The following SGCD variants were observed in gnomAD, a reference collection of about 807,000 sequenced individuals.
SGCD encodes delta-sarcoglycan.
In SGCD, 18 loss-of-function variants were observed where a neutral mutation model predicts 36.6. That is an observed-to-expected ratio of 0.49 (90% CI 0.34 to 0.73). The LOEUF is 0.73. Ranked by LOEUF, SGCD falls within the 30% of genes least tolerant of loss-of-function variation. The pLI is 0.01. For synonymous variants in SGCD, 133 were observed against 130.6 expected, an observed-to-expected ratio of 1.02 and a Z score of -0.12; for missense variants, 387 against 346.7, an observed-to-expected ratio of 1.12 and a Z score of -0.92.
At chr5:156,730,236 T>G (rs1755987350) in intron 7 of SGCD, among the ~76,000 whole-genome samples, 1 of 152,176 alleles carries the variant, frequency 6.6e-6, no homozygotes, top group Non-Finnish European at 1.5e-5. Flanking sequence ...TTTTTTAGCT[T>G]TTATGTGAAG....
intron 4 of SGCD, among the ~76,000 whole-genome samples, chr5:156,537,538 C>T (rs1213139235): frequency 6.6e-6 from 1 of 151,298 alleles, no homozygotes; most frequent in African/African-American, 2.4e-5. Context: ...GGTCCCCTTT[C>T]CTCCATTCCC....
At chr5:156,231,214 G>A (rs1370856608) in intron 3 of SGCD, among the ~76,000 whole-genome samples, 1 of 152,132 alleles carries the variant, frequency 6.6e-6, no homozygotes, top group African/African-American at 2.4e-5. Flanking sequence ...ATGCCTTGTT[G>A]AAAGGTAGAT....
chr5:156,624,535 T>C (rs867420191), intron 6 of SGCD, among the ~76,000 whole-genome samples: 2 of 152,050 alleles, frequency 1.3e-5, no homozygotes, highest in African/African-American at 4.8e-5. Flanking sequence ...GAGCCGAGAT[T>C]GCGCCACTGC....
At chr5:156,591,321 A>G (rs1760715211) in intron 5 of SGCD, among the ~76,000 whole-genome samples, 1 of 152,234 alleles carries the variant, frequency 6.6e-6, no homozygotes, top group Non-Finnish European at 1.5e-5. Flanking sequence ...TTCTAATGTT[A>G]GATGTCCAGG....
intron 1 of SGCD, among the ~76,000 whole-genome samples, chr5:156,081,304 C>T (rs1477883037): frequency 1.3e-5 from 2 of 152,182 alleles, no homozygotes; most frequent in African/African-American, 4.8e-5. Flanking sequence ...GATCTGCCCT[C>T]ATGATGCAAA....
At chr5:156,732,871 T>C (rs972574516) in intron 7 of SGCD, among the ~76,000 whole-genome samples, 2 of 151,964 alleles carry the variant, frequency 1.3e-5, no homozygotes, top group African/African-American at 4.8e-5. Flanking sequence ...AGCACAGAGG[T>C]GTTCATAATA....
chr5:156,462,317 T>A (rs1172538201), intron 3 of SGCD, among the ~76,000 whole-genome samples: 2 of 152,132 alleles, frequency 1.3e-5, no homozygotes, highest in African/African-American at 2.4e-5. Context: ...GCATGTATAT[T>A]TTTTTTCTAC....
chr5:155,904,930 C>T (rs111854895), intron 1 of SGCD, among the ~76,000 whole-genome samples: 1,548 of 152,298 alleles, frequency 0.01, 41 homozygotes, highest in African/African-American at 0.036. Flanking sequence ...GCATGACAAT[C>T]TCCTTCTGTG....
rs1327684552 is a variant in SGCD, at chr5:156,055,146, CT to C, written c.-281-62731del. Reference sequence around the variant, plus strand: ...TATAGCAGTGCCAGCTTCCAGTTTTCTATTTTTTTTTTTCCCCATAGAAGAA... The same window carrying C: ...TATAGCAGTGCCAGCTTCCAGTTTTCATTTTTTTTTTTCCCCATAGAAGAA... On this transcript the variant is annotated intron_variant, in intron 1 of 9. Coordinates refer to the SGCD transcript ENST00000517913. 1.4e-4 allele frequency among the ~76,000 whole-genome samples: 19 copies of C among 131,226 alleles called. 5 individuals are homozygous for C. The highest frequency in any genetic ancestry group is 6.1e-4 in the African/African-American group (17 of 27,904). 86.1% of individuals were successfully genotyped at this position (131,226 alleles called of 152,430 possible). A position where few individuals can be genotyped will look rare whatever the true frequency, so the allele number is the denominator to read the frequency against.
chr5:156,218,113 A>G (rs1338111916), intron 3 of SGCD, among the ~76,000 whole-genome samples: 1 of 152,170 alleles, frequency 6.6e-6, no homozygotes, highest in Non-Finnish European at 1.5e-5. Flanking sequence ...GTCTCTACTA[A>G]AAATACAAAA....
chr5:155,893,899 G>T (rs1756191627), intron 1 of SGCD, among the ~76,000 whole-genome samples: 1 of 152,222 alleles, frequency 6.6e-6, no homozygotes, highest in Non-Finnish European at 1.5e-5. Flanking sequence ...ACAAACATGT[G>T]CAGCATGTTA....
chr5:156,590,282 G>C (rs192581931), intron 5 of SGCD, among the ~76,000 whole-genome samples: 1 of 152,208 alleles, frequency 6.6e-6, no homozygotes, highest in Non-Finnish European at 1.5e-5. Flanking sequence ...TCACTCCTGG[G>C]GAGGGAGCCT....
intron 7 of SGCD, among the ~76,000 whole-genome samples, chr5:156,730,818 C>T (rs1410059339): frequency 3.9e-5 from 6 of 152,136 alleles, no homozygotes; most frequent in South Asian, 4.2e-4. Context: ...AAGGAATTGC[C>T]GCACTGTCTT....
At chr5:156,174,260 G>A (rs1763413123) in intron 3 of SGCD, among the ~76,000 whole-genome samples, 1 of 152,266 alleles carries the variant, frequency 6.6e-6, no homozygotes, top group East Asian at 1.9e-4. Flanking sequence ...AGAGGGGAGA[G>A]GCTTACTTTA....
At chr5:156,708,641 A>G (rs951535942) in intron 7 of SGCD, among the ~76,000 whole-genome samples, 6 of 133,044 alleles carry the variant, frequency 4.5e-5, no homozygotes, top group Admixed American at 8.0e-5. Context: ...AATTTGCAGG[A>G]TAAAGCACTA....
At chr5:156,451,627 T>C (rs2127806968) in intron 3 of SGCD, among the ~76,000 whole-genome samples, 1 of 152,264 alleles carries the variant, frequency 6.6e-6, no homozygotes, top group Non-Finnish European at 1.5e-5. Flanking sequence ...CCTGGAGAAG[T>C]TTTGATAACT....
chr5:156,453,344 T>G (rs1754109824), intron 3 of SGCD, among the ~76,000 whole-genome samples: 1 of 152,290 alleles, frequency 6.6e-6, no homozygotes, highest in South Asian at 2.1e-4. Flanking sequence ...GTTACAGAAC[T>G]AGCTGTTTTA....
At chr5:156,208,578 C>G (rs1180132020) in intron 3 of SGCD, among the ~76,000 whole-genome samples, 1 of 152,192 alleles carries the variant, frequency 6.6e-6, no homozygotes. Flanking sequence ...GTTGACTGCA[C>G]TGCTTGAGGA....
At chr5:156,218,495 T>C (rs1764633709) in intron 3 of SGCD, among the ~76,000 whole-genome samples, 1 of 152,174 alleles carries the variant, frequency 6.6e-6, no homozygotes, top group South Asian at 2.1e-4. Context: ...AAATTGAACC[T>C]TATGGCCAGC....
Sources: allele counts gnomAD v4.1 joint callset (sites outside exome capture counted in the v4.1 genomes callset), GRCh38; gene constraint gnomAD v4.1.1; transcripts MANE v1.5; gene names NCBI Gene and HGNC (gene_info 2026-07-23, HGNC 2026-07-21).